Variants in ZNF141 observed in about 807,000 individuals in gnomAD.
The protein encoded by ZNF141 is zinc finger protein 141 (clone pHZ-44).
Under a neutral mutation model 11.3 loss-of-function variants are expected in ZNF141, and 7 were observed. The observed-to-expected ratio is 0.62, with a 90% CI of 0.35 to 1.16. ZNF141 has a LOEUF of 1.16. ZNF141 is among the 50% of genes most tolerant of loss of function. The probability of loss-of-function intolerance (pLI) is 0.02; values close to 1 mark genes in which losing one functional copy is unlikely to be tolerated. For missense variants in ZNF141, 535 were observed against 554.0 expected (o/e 0.97, Z 0.34); for synonymous variants, 183 against 190.7 (o/e 0.96, Z 0.33).
chr4:364,041 C>T (rs1056829394), intron 3 of ZNF141, among the ~76,000 whole-genome samples: 9 of 151,956 alleles, frequency 5.9e-5, no homozygotes, highest in Admixed American at 1.3e-4. Context: ...GGGATGAAGC[C>T]GAGTTGATCA....
intron 3 of ZNF141, among the ~76,000 whole-genome samples, chr4:365,363 A>G (rs537909289): frequency 2.0e-4 from 30 of 152,242 alleles, no homozygotes; most frequent in Admixed American, 1.6e-3. Context: ...ACCAGTCCCA[A>G]TGAGATGAAC....
Position 380,168 on chromosome 4 carries a change from C to A in ZNF141, c.*6306C>A, listed in dbSNP as rs1266744268. On this transcript the variant is annotated 3_prime_UTR_variant, in exon 4 of 4. Transcript: ENST00000240499. ...TGTTTCAAATGAAAAGATTTCCTCCCTTTTAACGTTGAATTGTATTTCCTT... is the reference window on the plus strand; with the variant it reads ...TGTTTCAAATGAAAAGATTTCCTCCATTTTAACGTTGAATTGTATTTCCTT... Among the ~76,000 whole-genome samples the A allele has an allele frequency of 6.6e-6, 1 of 152,184 alleles. No homozygotes were observed. The highest frequency in any genetic ancestry group is 1.5e-5 in the Non-Finnish European group (1 of 68,038).
At chr4:347,825 AGTTT>A (rs1721409128) in intron 3 of ZNF141, among the ~76,000 whole-genome samples, 1 of 150,646 alleles carries the variant, frequency 6.6e-6, no homozygotes, top group Non-Finnish European at 1.5e-5. Flanking sequence ...GAATTGCAGA[AGTTT>A]GTTACACATT....
intron 3 of ZNF141, among the ~76,000 whole-genome samples, chr4:367,280 GTGTATTGGTTT>G (rs2108720952): frequency 1.3e-5 from 2 of 152,290 alleles, no homozygotes; most frequent in East Asian, 3.9e-4. Context: ...CTATCTGTAT[GTGTATTGGTTT>G]TGTATTGTTT....
chr4:373,159 A>G lies in ZNF141; in HGVS notation c.722A>G (p.His241Arg), dbSNP rs1553853885. 4 of 1,614,050 alleles carry G rather than the reference A, an allele frequency of 2.5e-6. No homozygotes were observed. The highest frequency in any genetic ancestry group is 1.3e-5 in the African/African-American group (1 of 75,040). ...GGCAGCATCTTTACCACATCCTCAC[A>G]CTTTGCTAAGCATAAAATAATTCAT... is the stretch of plus-strand genomic sequence containing the variant. ...ECGSIFTTSSHFAKHKIIHTG... is the reference protein window; with the variant it reads ...ECGSIFTTSSRFAKHKIIHTG... Residue 241 changes from histidine to arginine, a missense_variant, in exon 4 of 4, where the codon CAC (histidine) becomes CGC (arginine). Transcript: ENST00000240499.
In ZNF141 at chr4:375,713, A is replaced by G. The variant is rs782158182; in HGVS notation, c.*1851A>G. 2.7e-4 allele frequency among the ~76,000 whole-genome samples: 41 copies of G among 152,136 alleles called. No homozygotes were observed. Among genetic ancestry groups the G allele is most frequent in the Middle Eastern group, 3.2e-3 (1 of 316 alleles). On this transcript the variant is annotated 3_prime_UTR_variant, in exon 4 of 4. Transcript: ENST00000240499. ...AAAAAGTATAGATTTTTTGAAAAGC[A>G]TATAATAGTTAATTCAACTCAAATT...
chr4:341,671 C>T (rs1185815180), intron 1 of ZNF141, among the ~76,000 whole-genome samples: 2 of 151,972 alleles, frequency 1.3e-5, no homozygotes, highest in Non-Finnish European at 2.9e-5. Flanking sequence ...ACTTTCTGTC[C>T]CATCCCTGCC....
In ZNF141 at chr4:382,135, A is replaced by T. The variant is rs1189441861; in HGVS notation, c.*8273A>T. Among the ~76,000 whole-genome samples, 1 of 151,716 alleles carries T rather than the reference A, an allele frequency of 6.6e-6. No individual in the cohort carries two copies. Among genetic ancestry groups the T allele is most frequent in the Non-Finnish European group, 1.5e-5 (1 of 67,948 alleles). On this transcript the variant is annotated 3_prime_UTR_variant, in exon 4 of 4. Coordinates refer to ENST00000240499, the MANE Select transcript of ZNF141 (RefSeq NM_003441.4). The stretch of plus-strand genomic sequence containing the variant: ...TAATTTTTTTGTATTTTTAGTAGAG[A>T]CGGGGTTTCACCATGTTAGCCAACA...
In ZNF141 at chr4:373,360, A is replaced by G. The variant is rs944148670; in HGVS notation, c.923A>G (p.Glu308Gly). The G allele has an allele frequency of 1.3e-5, 21 of 1,614,028 alleles. No individual in the cohort carries two copies. Among genetic ancestry groups the G allele is most frequent in the Non-Finnish European group, 1.8e-5 (21 of 1,179,944 alleles). Residue 308 changes from glutamate (E) to glycine (G), a missense_variant, in exon 4 of 4, where the codon GAG (glutamate) becomes GGG (glycine). Physicochemically the swap from Glu to Gly is moderately conservative, Grantham distance 98 (BLOSUM62 -2). Coordinates refer to ENST00000240499, the MANE Select transcript of ZNF141 (RefSeq NM_003441.4). ...FAKHKRIHTGEKPYKCEECGK... is the reference protein window; with the variant it reads ...FAKHKRIHTGGKPYKCEECGK... ...AAACATAAGCGAATTCATACTGGAG[A>G]GAAACCCTACAAATGTGAAGAATGT...
At chr4:340,829 A>G (rs1335120834) in intron 1 of ZNF141, among the ~76,000 whole-genome samples, 1 of 152,238 alleles carries the variant, frequency 6.6e-6, no homozygotes, top group Non-Finnish European at 1.5e-5. Flanking sequence ...AACAACGTAC[A>G]TAGCCAATCA....
rs537587873 is a variant in ZNF141, at chr4:363,615, G to A, written c.227-9049G>A. Reference sequence around the variant, plus strand: ...ACTAAAAAAATGGAAACAACTAGCCGGGTGTGGTGGCAGGCACCTGGAGTC... The same window carrying A: ...ACTAAAAAAATGGAAACAACTAGCCAGGTGTGGTGGCAGGCACCTGGAGTC... On this transcript the variant is annotated intron_variant, in intron 3 of 3. Transcript: ENST00000240499. Among the ~76,000 whole-genome samples the A allele has an allele frequency of 9.2e-5, 14 of 152,244 alleles. 1 individual carries two copies. In the South Asian group the frequency reaches 1.5e-3, roughly 16 times the overall value.
intron 3 of ZNF141, among the ~76,000 whole-genome samples, chr4:353,917 C>T (rs1182735660): frequency 1.3e-5 from 2 of 152,228 alleles, no homozygotes; most frequent in East Asian, 1.9e-4. Flanking sequence ...CTCATTCACA[C>T]ACATGCACGC....
intron 1 of ZNF141, among the ~76,000 whole-genome samples, chr4:341,321 A>G (rs1480870487): frequency 1.3e-5 from 2 of 152,078 alleles, no homozygotes; most frequent in Non-Finnish European, 2.9e-5. Context: ...TCAGCCTCCC[A>G]AAGTGCTGAG....
chr4:362,415 G>T (rs957044034), intron 3 of ZNF141, among the ~76,000 whole-genome samples: 10 of 152,136 alleles, frequency 6.6e-5, no homozygotes, highest in South Asian at 4.1e-4. Context: ...GGCTTTTCTT[G>T]CCATTGCTTT....
At chr4:357,854 C>G (rs1015248163) in intron 3 of ZNF141, among the ~76,000 whole-genome samples, 1 of 151,552 alleles carries the variant, frequency 6.6e-6, no homozygotes, top group African/African-American at 2.4e-5. Context: ...TATAGGCGCG[C>G]GCCACCACGC....
rs1307243142 is a variant in ZNF141, at chr4:379,228, G to T, written c.*5366G>T. Among the ~76,000 whole-genome samples the T allele has an allele frequency of 6.6e-6, 1 of 152,058 alleles. No individual in the cohort carries two copies. ...CTTTAGCATCACTTGCCCTTTTAGTGTCTTACATATGTATGATTACCATCA... is the reference window on the plus strand; with the variant it reads ...CTTTAGCATCACTTGCCCTTTTAGTTTCTTACATATGTATGATTACCATCA... On this transcript the variant is annotated 3_prime_UTR_variant, in exon 4 of 4. Coordinates refer to ENST00000240499, the MANE Select transcript of ZNF141 (RefSeq NM_003441.4).
In ZNF141 at chr4:381,870, A is replaced by T. The variant is rs554719134; in HGVS notation, c.*8008A>T. On this transcript the variant is annotated 3_prime_UTR_variant, in exon 4 of 4. Transcript: ENST00000240499. The stretch of plus-strand genomic sequence containing the variant: ...GCTGTAGTTCATTGCTGGGGCCACC[A>T]GAAGGGTCAAGATGAAATTGCTCAG... Among the ~76,000 whole-genome samples the T allele has an allele frequency of 6.6e-6, 1 of 151,600 alleles. No individual in the cohort carries two copies. The highest frequency in any genetic ancestry group is 1.5e-5 in the Non-Finnish European group (1 of 67,962).
At chr4:346,893 A>ACACACACACACCC (rs373224939) in intron 3 of ZNF141, among the ~76,000 whole-genome samples, 5 of 135,484 alleles carry the variant, frequency 3.7e-5, no homozygotes, top group African/African-American at 1.6e-4. Context: ...ACACACACAC[A>ACACACACACACCC]CCGCCCCCCC....
At chr4:360,951 A>C (rs1581609838) in intron 3 of ZNF141, among the ~76,000 whole-genome samples, 2 of 151,092 alleles carry the variant, frequency 1.3e-5, no homozygotes, top group East Asian at 3.9e-4. Context: ...ATGAGCAGTC[A>C]AAGAAACTGT....
Sources: gnomAD v4.1 joint callset for allele counts (sites outside exome capture counted in the v4.1 genomes callset) on GRCh38, gnomAD v4.1.1 for gene constraint, MANE v1.5 for transcripts, NCBI Gene and HGNC (gene_info 2026-07-23, HGNC 2026-07-21) for gene names.